DGKG: variants seen among roughly 807,000 people sequenced by gnomAD.
DGKG encodes the protein DAG kinase gamma.
DGKG carries 78 observed loss-of-function variants against 105.3 expected under a neutral mutation model. The observed-to-expected ratio is 0.74, with a 90% CI of 0.62 to 0.89. The LOEUF (loss-of-function observed/expected upper bound fraction) is 0.89. Among genes scored for constraint, DGKG ranks in the 40% least tolerant of loss-of-function variants. DGKG has a pLI of 0.00. For synonymous variants in DGKG, 346 were observed against 367.1 expected (o/e 0.94, Z 0.66); for missense variants, 958 against 1,020.1 (o/e 0.94, Z 0.83).
rs534369327 is a variant in DGKG at position 186,203,168 on chromosome 3, C to T, written c.1917+8627G>A. 2.6e-5 allele frequency among the ~76,000 whole-genome samples: 4 copies of T among 152,220 alleles called. No individual in the cohort carries two copies. Among genetic ancestry groups the T allele is most frequent in the Middle Eastern group, 3.4e-3 (1 of 294 alleles). ...AACAGTTTTTCTTTAGTAAGCTGAA[C>T]GATTCTAAGCATTAGTGAAGGAAAC... On this transcript the variant is annotated intron_variant, in intron 21 of 24. Transcript: ENST00000265022. This position sits in a 1 kb window ranked among gnomAD's most constrained non-coding sequence, Gnocchi z 4.9.
intron 24 of DGKG, among the ~76,000 whole-genome samples, chr3:186,154,193 A>G (rs1715914126): frequency 1.3e-5 from 2 of 152,244 alleles, no homozygotes; most frequent in Admixed American, 6.5e-5. Context: ...GGTCTCAAAT[A>G]GTCTCTGCGA....
At position 186,203,313 on chromosome 3, in the gene DGKG, G is replaced by T. The variant is rs1042530801; in HGVS notation, c.1917+8482C>A. ...GGTCCTCAGGAGGCCTGATGATAAAGAAACAAGGGCTAACATTACCCTAAG... is the reference window on the plus strand; with the variant it reads ...GGTCCTCAGGAGGCCTGATGATAAATAAACAAGGGCTAACATTACCCTAAG... On this transcript the variant is annotated intron_variant, in intron 21 of 24. Transcript: ENST00000265022. This position sits in a 1 kb window ranked among gnomAD's most constrained non-coding sequence, Gnocchi z 4.9. 6.6e-6 allele frequency among the ~76,000 whole-genome samples: 1 copy of T among 152,194 alleles called. No homozygotes were observed. The highest frequency in any genetic ancestry group is 2.4e-5 in the African/African-American group (1 of 41,460).
chr3:186,182,001 C>T (rs1560083824), intron 22 of DGKG, among the ~76,000 whole-genome samples: 1 of 152,202 alleles, frequency 6.6e-6, no homozygotes, highest in East Asian at 1.9e-4. Flanking sequence ...GGCATAGCTC[C>T]CCAGGACTTT....
intron 19 of DGKG, among the ~76,000 whole-genome samples, chr3:186,250,255 C>T (rs552647954): frequency 6.6e-6 from 1 of 152,230 alleles, no homozygotes; most frequent in Non-Finnish European, 1.5e-5. Flanking sequence ...TGGCTGTTCT[C>T]ACTTACAAGT....
At chr3:186,204,172 G>T (rs1283242676) in intron 21 of DGKG, among the ~76,000 whole-genome samples, 2 of 152,198 alleles carry the variant, frequency 1.3e-5, no homozygotes, top group East Asian at 3.8e-4. Flanking sequence ...ACTTTGGGAG[G>T]CCAAGGCAGG....
At position 186,182,681 on chromosome 3, in the gene DGKG, TACTC is replaced by T. The variant is rs146622961; in HGVS notation, c.2095+5517_2095+5520del. On this transcript the variant is annotated intron_variant, in intron 22 of 24. Transcript: ENST00000265022. ...GAAATTAAATTCTCAGCCTCACAAA[TACTC>T]ACATGTAACTCTAAGATTTTTTTTT... 6.5e-3 allele frequency among the ~76,000 whole-genome samples: 989 copies of T among 152,324 alleles called. 12 individuals are homozygous for T. Among genetic ancestry groups the T allele is most frequent in the African/African-American group, 0.022 (909 of 41,572 alleles).
chr3:186,266,283 C>T (rs1722053140), intron 13 of DGKG, among the ~76,000 whole-genome samples: 1 of 152,144 alleles, frequency 6.6e-6, no homozygotes, highest in South Asian at 2.1e-4. Flanking sequence ...TTTTGAGATT[C>T]TCCATGTTTT....
At chr3:186,274,301 C>T (rs561789750) in intron 10 of DGKG, among the ~76,000 whole-genome samples, 31 of 152,316 alleles carry the variant, frequency 2.0e-4, no homozygotes, top group Admixed American at 1.2e-3. Flanking sequence ...GATCCTCCCA[C>T]CTCAGCCTCC....
intron 3 of DGKG, among the ~76,000 whole-genome samples, chr3:186,301,632 A>G (rs553560351): frequency 6.6e-6 from 1 of 152,344 alleles, no homozygotes; most frequent in African/African-American, 2.4e-5. Flanking sequence ...GTCTCAAAGA[A>G]AAAAACTTTC....
At chr3:186,242,309 A>G (rs1720726086) in intron 20 of DGKG, among the ~76,000 whole-genome samples, 195 bp downstream of exon 20, 1 of 151,592 alleles carries the variant, frequency 6.6e-6, no homozygotes, top group Admixed American at 6.6e-5. Flanking sequence ...TTGGGAGAGG[A>G]CAGGCAGTTA....
intron 14 of DGKG, among the ~76,000 whole-genome samples, chr3:186,262,611 TA>T (rs1721828878): frequency 6.6e-6 from 1 of 152,224 alleles, no homozygotes; most frequent in Non-Finnish European, 1.5e-5. Context: ...GGATAAAATG[TA>T]AATTTCCTAA....
intron 24 of DGKG, chr3:186,158,774 G>GT (rs1012269374): frequency 1.1e-6 from 1 of 935,468 alleles, no homozygotes; most frequent in East Asian, 1.2e-4. Flanking sequence ...TGTATTGATA[G>GT]TTTTTTATAT....
Position 186,274,654 on chromosome 3 carries a change from T to C in DGKG, c.910+893A>G, listed in dbSNP as rs1560128194. 2.0e-5 allele frequency among the ~76,000 whole-genome samples: 3 copies of C among 151,664 alleles called. No individual in the cohort carries two copies. In the East Asian group the frequency reaches 5.9e-4, roughly 30 times the overall value. On this transcript the variant is annotated intron_variant, in intron 10 of 24. Transcript: ENST00000265022. ...CATGCGGTGTTTGGTTTTATGATCT[T>C]GCGATAGTTTGCTCAGAATGATGGT...
chr3:186,284,715 A>C lies in DGKG; in HGVS notation c.545-6T>G. ...ATCATAGAGGCGAAACATGACTGTAAGAAACACAGAGGTAAGCCTTGAGGT... is the reference window on the plus strand; with the variant it reads ...ATCATAGAGGCGAAACATGACTGTACGAAACACAGAGGTAAGCCTTGAGGT... On this transcript the variant is annotated splice_polypyrimidine_tract_variant and splice_region_variant and intron_variant, in intron 6 of 24. Coordinates refer to ENST00000265022, the MANE Select transcript of DGKG (RefSeq NM_001346.3). The surrounding 1 kb of genome is among the most constrained non-coding windows in gnomAD (Gnocchi z 4.0). The C allele has an allele frequency of 6.2e-7, 1 of 1,613,784 alleles. No homozygotes were observed. The highest frequency in any genetic ancestry group is 8.5e-7 in the Non-Finnish European group (1 of 1,179,678).
At chr3:186,306,493 G>T (rs114143692) in intron 3 of DGKG, among the ~76,000 whole-genome samples, 3 of 152,146 alleles carry the variant, frequency 2.0e-5, no homozygotes, top group Non-Finnish European at 4.4e-5. Context: ...GAGTGCACAC[G>T]TGGGGGAGTT....
intron 20 of DGKG, among the ~76,000 whole-genome samples, chr3:186,222,570 C>T (rs772549783): frequency 1.2e-4 from 19 of 152,170 alleles, no homozygotes; most frequent in Non-Finnish European, 2.1e-4. Context: ...TGGTCGGGTG[C>T]GGTGGCTCAC....
rs183347774 is a variant in DGKG at position 186,261,774 on chromosome 3, T to A, written c.1274A>T (p.Lys425Met). 3.8e-5 allele frequency: 60 copies of A among 1,597,032 alleles called. No individual in the cohort carries two copies. In the East Asian group the frequency reaches 1.3e-3, roughly 35 times the overall value. The change falls in exon 15 of 25, where the codon AAG becomes ATG. Residue 425 changes from lysine to methionine, a missense_variant. Transcript: ENST00000265022. ...SAKGELVMQY[K>M]IIPTPGTHPL... The stretch of plus-strand genomic sequence containing the variant: ...GTGGGTACCCGGGGTGGGGATGATC[T>A]TATACTTGAAAGGTAAAAGAAAAAG...
intron 21 of DGKG, among the ~76,000 whole-genome samples, chr3:186,194,013 C>A (rs1449795165): frequency 6.6e-6 from 1 of 152,216 alleles, no homozygotes; most frequent in African/African-American, 2.4e-5. Context: ...GGTGCGCCGG[C>A]GGCCAGGTGC....
intron 19 of DGKG, among the ~76,000 whole-genome samples, chr3:186,247,407 GT>G (rs1332416021): frequency 6.6e-6 from 1 of 152,116 alleles, no homozygotes; most frequent in African/African-American, 2.4e-5. Flanking sequence ...AGCAACAGAT[GT>G]TTGCTATCAT....
Sources: allele counts gnomAD v4.1 joint callset (sites outside exome capture counted in the v4.1 genomes callset), GRCh38; gene constraint gnomAD v4.1.1; non-coding constraint Gnocchi (gnomAD v3.1); transcripts MANE v1.5; gene names NCBI Gene and HGNC (gene_info 2026-07-23, HGNC 2026-07-21).